The following PDE10A variants were observed in gnomAD, a reference collection of about 807,000 sequenced individuals.
The protein encoded by PDE10A is phosphodiesterase 10A.
PDE10A carries 39 observed loss-of-function variants against 97.7 expected under a neutral mutation model. That is an observed-to-expected ratio of 0.40 (90% CI 0.31 to 0.52). PDE10A has a LOEUF of 0.52. PDE10A is among the 20% of genes least tolerant of loss of function. The pLI is 0.56. For missense variants in PDE10A, 731 were observed against 1,047.8 expected (o/e 0.70, Z 4.17); for synonymous variants, 371 against 376.8 (o/e 0.98, Z 0.18).
In PDE10A at chr6:165,441,440, C is replaced by A. The variant is rs149254174; in HGVS notation, c.1195-6063G>T. On this transcript the variant is annotated intron_variant, in intron 5 of 21. Transcript: ENST00000539869. ...TGTTTTAAACGGTTTGTTAAACAAA[C>A]AGCATTTATGGTGTAACATTTAACT... 1.4e-3 allele frequency among the ~76,000 whole-genome samples: 215 copies of A among 152,262 alleles called. 2 individuals carry two copies. Among genetic ancestry groups the A allele is most frequent in the African/African-American group, 4.6e-3 (191 of 41,554 alleles).
intron 1 of PDE10A, among the ~76,000 whole-genome samples, chr6:165,558,276 A>G (rs1037952164): frequency 6.6e-6 from 1 of 152,224 alleles, no homozygotes; most frequent in Non-Finnish European, 1.5e-5. Flanking sequence ...ATGCAGCCAT[A>G]AAAGAGGATG....
intron 2 of PDE10A, among the ~76,000 whole-genome samples, chr6:165,489,896 A>C (rs111983101): frequency 6.6e-6 from 1 of 152,348 alleles, no homozygotes; most frequent in Non-Finnish European, 1.5e-5. Flanking sequence ...ACAAATGCAA[A>C]GAAAAAAGAA....
At chr6:165,373,751 A>C (rs906242839) in intron 18 of PDE10A, among the ~76,000 whole-genome samples, 5 of 152,146 alleles carry the variant, frequency 3.3e-5, no homozygotes, top group African/African-American at 9.7e-5. Context: ...AAAGGACTAT[A>C]AATCATGCTG....
chr6:165,391,935 G>A (rs1785749549), intron 16 of PDE10A, among the ~76,000 whole-genome samples: 1 of 152,174 alleles, frequency 6.6e-6, no homozygotes, highest in Non-Finnish European at 1.5e-5. Flanking sequence ...AGTTTTTACA[G>A]AGGAGAGAAA....
intron 1 of PDE10A, among the ~76,000 whole-genome samples, chr6:165,729,725 GA>G (rs141521957): frequency 0.014 from 2,169 of 152,210 alleles, 50 homozygotes; most frequent in African/African-American, 0.05. Context: ...AGCAAGCTTT[GA>G]AAGTCCTTGT....
At chr6:165,792,233 C>T (rs1049468384) in intron 1 of PDE10A, among the ~76,000 whole-genome samples, 17 of 152,198 alleles carry the variant, frequency 1.1e-4, no homozygotes, top group South Asian at 2.1e-4. Context: ...CCAACCAGGC[C>T]GGGTTTTCAC....
At chr6:165,616,120 G>A (rs12205959) in intron 1 of PDE10A, among the ~76,000 whole-genome samples, 38,117 of 151,746 alleles carry the variant, frequency 0.25, 4,849 homozygotes, top group African/African-American at 0.3. Context: ...GGCATTTTCC[G>A]AGTCGGTTGT....
intron 1 of PDE10A, among the ~76,000 whole-genome samples, chr6:165,722,407 T>C (rs986716248): frequency 1.3e-5 from 2 of 152,228 alleles, no homozygotes; most frequent in Non-Finnish European, 2.9e-5. Flanking sequence ...ATGGGATACA[T>C]GTCAAGACAT....
intron 1 of PDE10A, among the ~76,000 whole-genome samples, chr6:165,926,821 T>C (rs1782948584): frequency 6.6e-6 from 1 of 152,222 alleles, no homozygotes; most frequent in South Asian, 2.1e-4. Context: ...AATGAAGATG[T>C]TGTACTTTAC....
chr6:165,681,847 A>G (rs1790986660), intron 1 of PDE10A, among the ~76,000 whole-genome samples: 1 of 152,166 alleles, frequency 6.6e-6, no homozygotes, highest in Admixed American at 6.5e-5. Flanking sequence ...AAGCTCAGAG[A>G]GGCTCACTGA....
intron 1 of PDE10A, among the ~76,000 whole-genome samples, chr6:165,867,524 T>C (rs1562774426): frequency 6.6e-6 from 1 of 152,042 alleles, no homozygotes; most frequent in Non-Finnish European, 1.5e-5. Flanking sequence ...TACCCTGATA[T>C]ATGAAGCCAT....
At chr6:165,932,111 C>T (rs896230461) in intron 1 of PDE10A, among the ~76,000 whole-genome samples, 20 of 152,116 alleles carry the variant, frequency 1.3e-4, no homozygotes, top group Non-Finnish European at 1.9e-4. Context: ...GACGATATAC[C>T]GCCCGCTGAA....
chr6:165,610,300 T>C (rs959273533), intron 1 of PDE10A, among the ~76,000 whole-genome samples: 34 of 152,048 alleles, frequency 2.2e-4, no homozygotes, highest in Non-Finnish European at 7.4e-5. Flanking sequence ...TCCCAGCACT[T>C]TGGGAGGCCA....
intron 1 of PDE10A, among the ~76,000 whole-genome samples, chr6:165,799,204 G>C (rs912509237): frequency 2.0e-5 from 3 of 152,186 alleles, no homozygotes; most frequent in African/African-American, 7.2e-5. Flanking sequence ...CTCAAATCTG[G>C]CTTCCGGAGT....
chr6:165,796,598 T>C (rs1778839945), intron 1 of PDE10A, among the ~76,000 whole-genome samples: 1 of 152,208 alleles, frequency 6.6e-6, no homozygotes, highest in Non-Finnish European at 1.5e-5. Flanking sequence ...AGGTCAATAA[T>C]AAATAAAATT....
chr6:165,802,633 G>T (rs984153086), intron 1 of PDE10A, among the ~76,000 whole-genome samples: 1 of 152,220 alleles, frequency 6.6e-6, no homozygotes, highest in African/African-American at 2.4e-5. Context: ...AGGTAAATGT[G>T]CAGCCCTAAA....
Position 165,331,438 on chromosome 6 carries a change from T to C in PDE10A, c.*1587A>G, listed in dbSNP as rs1471968777. 2 of 152,168 alleles carry C rather than the reference T, an allele frequency of 1.3e-5. No individual in the cohort carries two copies. Among genetic ancestry groups the C allele is most frequent in the Non-Finnish European group, 2.9e-5 (2 of 68,014 alleles). 9.4% of individuals were successfully genotyped at this position (152,168 alleles called of 1,614,324 possible). ...ACTTTGCTACAACATAAATAAACCATGTTGTAGAAGCCTCTGATTTAATTT... is the reference window on the plus strand; with the variant it reads ...ACTTTGCTACAACATAAATAAACCACGTTGTAGAAGCCTCTGATTTAATTT... On this transcript the variant is annotated 3_prime_UTR_variant, in exon 22 of 22. Coordinates refer to ENST00000539869, the MANE Select transcript of PDE10A (RefSeq NM_001385079.1).
At chr6:165,867,324 GA>G (rs796200555) in intron 1 of PDE10A, among the ~76,000 whole-genome samples, 6 of 149,608 alleles carry the variant, frequency 4.0e-5, no homozygotes, top group East Asian at 2.0e-4. Flanking sequence ...TGGAGGGATG[GA>G]AAAAAAAAAT....
At chr6:165,749,477 A>AC (rs1389530483) in intron 1 of PDE10A, among the ~76,000 whole-genome samples, 11 of 151,812 alleles carry the variant, frequency 7.2e-5, no homozygotes, top group African/African-American at 1.2e-4. Flanking sequence ...CAACACCATC[A>AC]ACACCATCAT....
Sources: gnomAD v4.1 joint callset for allele counts (sites outside exome capture counted in the v4.1 genomes callset) on GRCh38, gnomAD v4.1.1 for gene constraint, MANE v1.5 for transcripts, NCBI Gene and HGNC (gene_info 2026-07-23, HGNC 2026-07-21) for gene names.